Variants in WDR70 observed in about 807,000 individuals in gnomAD.
WDR70 encodes the protein WD repeat-containing protein 70.
A neutral mutation model predicts 88.6 loss-of-function variants in WDR70; 53 were observed. The ratio of observed to expected loss-of-function variants is 0.60; its 90% CI spans 0.48 to 0.75. The LOEUF is 0.75. WDR70 is among the 30% of genes least tolerant of loss of function. WDR70 has a pLI of 0.00. For missense variants in WDR70, 610 were observed against 823.2 expected, an observed-to-expected ratio of 0.74 and a Z score of 3.17; for synonymous variants, 280 against 270.0, an observed-to-expected ratio of 1.04 and a Z score of -0.36.
At chr5:37,475,063 C>T (rs571640054) in intron 7 of WDR70, among the ~76,000 whole-genome samples, 4 of 151,770 alleles carry the variant, frequency 2.6e-5, no homozygotes, top group South Asian at 2.1e-4. Context: ...GGATTACAAG[C>T]GTGCGCTACC....
At chr5:37,457,656 C>G (rs1738884004) in intron 7 of WDR70, among the ~76,000 whole-genome samples, 4 of 152,210 alleles carry the variant, frequency 2.6e-5, no homozygotes, top group Admixed American at 1.3e-4. Flanking sequence ...GACACGTTTT[C>G]TTGAATTTTT....
At chr5:37,547,809 T>C (rs1276178121) in intron 9 of WDR70, among the ~76,000 whole-genome samples, 3 of 152,194 alleles carry the variant, frequency 2.0e-5, no homozygotes, top group Non-Finnish European at 2.9e-5. Flanking sequence ...CTACTCTTCC[T>C]AACCTCTAGT....
chr5:37,417,334 C>T (rs1291599139), intron 5 of WDR70, among the ~76,000 whole-genome samples: 2 of 152,084 alleles, frequency 1.3e-5, no homozygotes, highest in African/African-American at 4.8e-5. Context: ...AAGCAATCCT[C>T]CCATCTCAGT....
chr5:37,473,366 T>C (rs1739386330), intron 7 of WDR70, among the ~76,000 whole-genome samples: 1 of 147,282 alleles, frequency 6.8e-6, no homozygotes, highest in African/African-American at 2.5e-5. Flanking sequence ...TTTTTGAGAC[T>C]GAGTTTCGCT....
At chr5:37,714,960 G>T (rs569689239) in intron 13 of WDR70, among the ~76,000 whole-genome samples, 1 of 152,038 alleles carries the variant, frequency 6.6e-6, no homozygotes, top group African/African-American at 2.4e-5. Context: ...CTTTAAGCAG[G>T]TTTATTATCA....
intron 10 of WDR70, among the ~76,000 whole-genome samples, chr5:37,686,712 A>G (rs370954650): frequency 6.6e-6 from 1 of 152,198 alleles, no homozygotes; most frequent in East Asian, 1.9e-4. Context: ...CAGAGGCTCC[A>G]TGACCATCTG....
intron 9 of WDR70, among the ~76,000 whole-genome samples, chr5:37,567,982 G>T (rs757076176): frequency 1.3e-5 from 2 of 152,130 alleles, no homozygotes; most frequent in Non-Finnish European, 2.9e-5. Flanking sequence ...CTGTTATTTG[G>T]TCTGGTTTCT....
chr5:37,401,750 G>A (rs1749202236), intron 5 of WDR70, among the ~76,000 whole-genome samples: 2 of 152,142 alleles, frequency 1.3e-5, no homozygotes, highest in African/African-American at 4.8e-5. Context: ...GAGTCATTGT[G>A]CCTGGCCAAG....
intron 10 of WDR70, among the ~76,000 whole-genome samples, chr5:37,677,693 GA>G (rs146117935): frequency 0.79 from 120,733 of 151,986 alleles, 48,774 homozygotes; most frequent in East Asian, 0.89. Context: ...GGGTGGTGCT[GA>G]AAAAAAATGT....
rs1741480394 is a variant in WDR70, at chr5:37,531,454, C to T, written c.917+14864C>T. Among the ~76,000 whole-genome samples the T allele has an allele frequency of 3.3e-5, 5 of 151,804 alleles. No homozygotes were observed. In the South Asian group the frequency reaches 1.0e-3, roughly 32 times the overall value. On this transcript the variant is annotated intron_variant, in intron 9 of 17. Coordinates refer to ENST00000265107, the MANE Select transcript of WDR70 (RefSeq NM_018034.4). ...GAATTGTTTTATAAATTCGGGAGCTCCAGTGTTAGATATATGCATACATAC... is the reference window on the plus strand; with the variant it reads ...GAATTGTTTTATAAATTCGGGAGCTTCAGTGTTAGATATATGCATACATAC...
intron 9 of WDR70, among the ~76,000 whole-genome samples, chr5:37,570,563 C>A (rs574015751): frequency 8.6e-5 from 13 of 151,950 alleles, no homozygotes; most frequent in Admixed American, 7.9e-4. Flanking sequence ...GAGGAAATGA[C>A]GATATTTAAG....
intron 9 of WDR70, among the ~76,000 whole-genome samples, chr5:37,597,131 A>G (rs1257061065): frequency 1.3e-5 from 2 of 152,162 alleles, no homozygotes; most frequent in East Asian, 3.8e-4. Flanking sequence ...GTTTGGGGCA[A>G]TTGTGAACAA....
At chr5:37,486,013 C>T (rs575598756) in intron 8 of WDR70, among the ~76,000 whole-genome samples, 13 of 151,892 alleles carry the variant, frequency 8.6e-5, no homozygotes, top group African/African-American at 2.7e-4. Flanking sequence ...CTGTGCCTGG[C>T]CAACAATATA....
chr5:37,528,179 T>C (rs952263920), intron 9 of WDR70, among the ~76,000 whole-genome samples: 2 of 152,118 alleles, frequency 1.3e-5, no homozygotes, highest in Non-Finnish European at 2.9e-5. Context: ...CACATGCACA[T>C]GTATGTTTAT....
intron 9 of WDR70, among the ~76,000 whole-genome samples, chr5:37,588,842 T>C (rs11741504): frequency 0.47 from 71,203 of 151,950 alleles, 18,268 homozygotes; most frequent in Non-Finnish European, 0.58. Flanking sequence ...CAGCTCATTG[T>C]AACCCTCTGC....
intron 9 of WDR70, among the ~76,000 whole-genome samples, chr5:37,546,736 T>C (rs1043832420): frequency 4.6e-5 from 7 of 151,990 alleles, no homozygotes; most frequent in Admixed American, 2.0e-4. Context: ...CTGGCCAACA[T>C]AGTGAAACCC....
chr5:37,583,389 C>A (rs1411172552), intron 9 of WDR70, among the ~76,000 whole-genome samples: 5 of 150,862 alleles, frequency 3.3e-5, no homozygotes, highest in African/African-American at 1.2e-4. Context: ...CCACTGCACT[C>A]CAGCCTGGGT....
At chr5:37,616,262 G>A (rs897638610) in intron 10 of WDR70, among the ~76,000 whole-genome samples, 3 of 151,832 alleles carry the variant, frequency 2.0e-5, no homozygotes, top group Admixed American at 6.6e-5. Context: ...GACTACAGTC[G>A]CGCGCCACCA....
In WDR70 at chr5:37,379,482, G is replaced by A. The variant is rs1245660241; in HGVS notation, c.26-7G>A. The A allele has an allele frequency of 6.8e-6, 11 of 1,613,864 alleles. No individual in the cohort carries two copies. The highest frequency in any genetic ancestry group is 1.7e-5 in the Admixed American group (1 of 60,000). ...ACTAGGCCGCCTCTCTTTTCCTCTT[G>A]CTCCAGTGACAGGCTCAGACGCGTC... is the stretch of plus-strand genomic sequence containing the variant. On this transcript the variant is annotated splice_polypyrimidine_tract_variant and splice_region_variant and intron_variant, in intron 1 of 17. Coordinates refer to ENST00000265107, the MANE Select transcript of WDR70 (RefSeq NM_018034.4).
Sources: gnomAD v4.1 joint callset for allele counts (sites outside exome capture counted in the v4.1 genomes callset) on GRCh38, gnomAD v4.1.1 for gene constraint, MANE v1.5 for transcripts, NCBI Gene and HGNC (gene_info 2026-07-23, HGNC 2026-07-21) for gene names.